Variants in RALGAPA1 observed in about 807,000 individuals in gnomAD.
RALGAPA1 encodes the protein Ral GTPase activating protein catalytic subunit alpha 1.
A neutral mutation model predicts 269.6 loss-of-function variants in RALGAPA1; 52 were observed. The observed-to-expected ratio is 0.19, with a 90% CI of 0.15 to 0.24. The LOEUF (loss-of-function observed/expected upper bound fraction) is 0.24, where lower values mean the gene tolerates loss of function less well. RALGAPA1 is among the 10% of genes least tolerant of loss of function. RALGAPA1 has a pLI of 1.00. For synonymous variants in RALGAPA1, 817 were observed against 1,008.3 expected, an observed-to-expected ratio of 0.81 and a Z score of 3.60; for missense variants, 1,917 against 3,013.9, an observed-to-expected ratio of 0.64 and a Z score of 8.52.
chr14:35,643,354 T>C (rs1216310551), intron 31 of RALGAPA1, among the ~76,000 whole-genome samples: 1 of 151,694 alleles, frequency 6.6e-6, no homozygotes. Context: ...ATAAATAAAA[T>C]AAAATGGGTT....
At chr14:35,725,330 T>C (rs950122960) in intron 13 of RALGAPA1, among the ~76,000 whole-genome samples, 177 bp from the exon 14 acceptor site, 1 of 152,228 alleles carries the variant, frequency 6.6e-6, no homozygotes, top group African/African-American at 2.4e-5. Context: ...TTTATGTATC[T>C]ACATCAATCA....
At chr14:35,608,043 T>C (rs1372425158) in intron 35 of RALGAPA1, among the ~76,000 whole-genome samples, 1 of 152,158 alleles carries the variant, frequency 6.6e-6, no homozygotes, top group Non-Finnish European at 1.5e-5. Context: ...GGTCGACTCC[T>C]GGGAAGCTAA....
At chr14:35,799,299 C>T (rs1305633901) in intron 1 of RALGAPA1, among the ~76,000 whole-genome samples, 1 of 152,100 alleles carries the variant, frequency 6.6e-6, no homozygotes, top group African/African-American at 2.4e-5. Flanking sequence ...CAGTGGCTCA[C>T]CCATGTAATC....
chr14:35,585,666 A>G (rs1594704143), intron 37 of RALGAPA1, among the ~76,000 whole-genome samples: 1 of 152,224 alleles, frequency 6.6e-6, no homozygotes, highest in Non-Finnish European at 1.5e-5. Context: ...AGCTTTCTAC[A>G]TATGGCTAGC....
intron 36 of RALGAPA1, among the ~76,000 whole-genome samples, chr14:35,599,140 T>C (rs1396998241): frequency 2.0e-5 from 3 of 152,212 alleles, no homozygotes; most frequent in Non-Finnish European, 4.4e-5. Context: ...ATAGTTGTCA[T>C]AAATATTTCC....
intron 16 of RALGAPA1, among the ~76,000 whole-genome samples, chr14:35,712,687 T>TG (rs1247192863): frequency 1.3e-5 from 2 of 152,184 alleles, no homozygotes; most frequent in Non-Finnish European, 2.9e-5. Context: ...TAAAAATTTT[T>TG]GTAGAGACAG....
intron 37 of RALGAPA1, among the ~76,000 whole-genome samples, chr14:35,579,362 G>C (rs1453164651): frequency 4.6e-5 from 7 of 152,124 alleles, no homozygotes; most frequent in African/African-American, 1.7e-4. Context: ...CGGGCACAGT[G>C]GCTCACGCCT....
chr14:35,659,383 C>A (rs533208657), intron 27 of RALGAPA1, among the ~76,000 whole-genome samples, 187 bp from the exon 28 acceptor site: 6 of 151,868 alleles, frequency 4.0e-5, no homozygotes, highest in African/African-American at 9.7e-5. Flanking sequence ...CAAAAGCATA[C>A]GTTCAAAAAA....
intron 35 of RALGAPA1, among the ~76,000 whole-genome samples, chr14:35,613,144 C>A (rs905088492): frequency 6.6e-6 from 1 of 151,176 alleles, no homozygotes; most frequent in Non-Finnish European, 1.5e-5. Flanking sequence ...GGCAGTGGCA[C>A]GATGTTGGCT....
At chr14:35,716,146 C>A in intron 16 of RALGAPA1, 2 of 947,426 alleles carry the variant, frequency 2.1e-6, no homozygotes, top group South Asian at 9.8e-5. Flanking sequence ...ATAATCCCAG[C>A]ACTTTGGGAG....
In RALGAPA1 at chr14:35,688,546, G is replaced by A. The variant is rs1299430011; in HGVS notation, c.3865C>T (p.Pro1289Ser). 1 of 1,536,066 alleles carries A rather than the reference G, an allele frequency of 6.5e-7. No homozygotes were observed. Among genetic ancestry groups the A allele is most frequent in the Admixed American group, 2.0e-5 (1 of 50,990 alleles). The part of the protein sequence containing the change: ...ALSKPKANVS[P>S]QRQNRMPPEA... Reference sequence around the variant, plus strand: ...GGTGGCATTCTGTTCTGCCTCTGTGGGGAAACATTTGCCTTCGGCTTCGAA... The same window carrying A: ...GGTGGCATTCTGTTCTGCCTCTGTGAGGAAACATTTGCCTTCGGCTTCGAA... Residue 1289 changes from proline to serine, a missense_variant, in exon 18 of 42, where the codon CCA becomes TCA. Pro to Ser is a moderately conservative substitution (Grantham distance 74). Coordinates refer to ENST00000680220, the MANE Select transcript of RALGAPA1 (RefSeq NM_001346249.2).
At chr14:35,775,504 T>A in intron 2 of RALGAPA1, 131 bp downstream of exon 2, 1 of 1,071,164 alleles carries the variant, frequency 9.3e-7, no homozygotes, top group South Asian at 1.9e-5. Context: ...CCTATGATAG[T>A]AGTGTGAGAG....
chr14:35,748,833 CAAAAAA>C lies in RALGAPA1; in HGVS notation c.1012-15_1012-10del. 4 of 1,298,042 alleles carry C rather than the reference CAAAAAA, an allele frequency of 3.1e-6. No individual in the cohort carries two copies. The highest frequency in any genetic ancestry group is 3.9e-6 in the Non-Finnish European group (4 of 1,014,968). The allele number at this position is 1,298,042 out of a possible 1,614,324, so 80.4% of individuals were successfully genotyped here. On this transcript the variant is annotated splice_polypyrimidine_tract_variant and intron_variant, in intron 9 of 41. Coordinates refer to ENST00000680220, the MANE Select transcript of RALGAPA1 (RefSeq NM_001346249.2). ...AAACTAGCAGCTGCTCTCTAAAATACAAAAAAAAAAAAAAAAGAGAGAAACAATATC... is the reference window on the plus strand; with the variant it reads ...AAACTAGCAGCTGCTCTCTAAAATACAAAAAAAAAAGAGAGAAACAATATC...
chr14:35,751,020 T>G (rs2072630854), intron 8 of RALGAPA1, among the ~76,000 whole-genome samples: 1 of 152,316 alleles, frequency 6.6e-6, no homozygotes, highest in African/African-American at 2.4e-5. Flanking sequence ...AAACACATAG[T>G]TTGAAGTCAT....
intron 41 of RALGAPA1, among the ~76,000 whole-genome samples, chr14:35,547,469 A>G (rs958724839): frequency 6.6e-6 from 1 of 152,146 alleles, no homozygotes; most frequent in African/African-American, 2.4e-5. Flanking sequence ...TAAGGGGGAA[A>G]GTTAGTCCAA....
Position 35,769,603 on chromosome 14 carries a change from G to T in RALGAPA1, c.325+1339C>A, listed in dbSNP as rs560948940. On this transcript the variant is annotated intron_variant, in intron 4 of 41. Coordinates refer to ENST00000680220, the MANE Select transcript of RALGAPA1 (RefSeq NM_001346249.2). ...TAAAAATAAAGTTGAAACCATTAAAGAATAAATAAAAAGTTTATGTAATAT... is the reference window on the plus strand; with the variant it reads ...TAAAAATAAAGTTGAAACCATTAAATAATAAATAAAAAGTTTATGTAATAT... Among the ~76,000 whole-genome samples, 7 of 151,528 alleles carry T rather than the reference G, an allele frequency of 4.6e-5. No individual in the cohort carries two copies. In the South Asian group the frequency reaches 1.5e-3, roughly 32 times the overall value.
intron 1 of RALGAPA1, among the ~76,000 whole-genome samples, chr14:35,797,202 A>C (rs2076627368): frequency 6.6e-6 from 1 of 151,912 alleles, no homozygotes. Context: ...AAAATACAAA[A>C]AATTAGCTGG....
chr14:35,602,096 T>C (rs922940538), intron 36 of RALGAPA1, among the ~76,000 whole-genome samples: 1 of 152,234 alleles, frequency 6.6e-6, no homozygotes, highest in Admixed American at 6.5e-5. Flanking sequence ...TTGGTTTCTT[T>C]CATTTAGCAC....
intron 35 of RALGAPA1, among the ~76,000 whole-genome samples, chr14:35,622,695 T>C (rs1293164772): frequency 6.6e-6 from 1 of 152,238 alleles, no homozygotes; most frequent in African/African-American, 2.4e-5. Flanking sequence ...TAAAATAGAC[T>C]GTTTTTCAAC....
Sources: gnomAD v4.1 joint callset for allele counts (sites outside exome capture counted in the v4.1 genomes callset) on GRCh38, gnomAD v4.1.1 for gene constraint, MANE v1.5 for transcripts, NCBI Gene and HGNC (gene_info 2026-07-23, HGNC 2026-07-21) for gene names.